SGCD: variants seen among roughly 807,000 people sequenced by gnomAD.
The protein encoded by SGCD is delta-sarcoglycan.
A neutral mutation model predicts 36.6 loss-of-function variants in SGCD; 18 were observed. That is an observed-to-expected ratio of 0.49 (90% CI 0.34 to 0.73). The LOEUF (loss-of-function observed/expected upper bound fraction) is 0.73, where lower values mean the gene tolerates loss of function less well. Among genes scored for constraint, SGCD ranks in the 30% least tolerant of loss-of-function variants. The probability of loss-of-function intolerance (pLI) is 0.01; values close to 1 mark genes in which losing one functional copy is unlikely to be tolerated. For missense variants in SGCD, 387 were observed against 346.7 expected (o/e 1.12, Z -0.92); for synonymous variants, 133 against 130.6 (o/e 1.02, Z -0.12).
chr5:156,257,853 G>A (rs1008366060), intron 3 of SGCD, among the ~76,000 whole-genome samples: 3 of 152,080 alleles, frequency 2.0e-5, no homozygotes, highest in Admixed American at 1.3e-4. Context: ...GACAGAGCGA[G>A]AGTCTGCCTC....
At chr5:155,879,816 G>A (rs1215937764) in intron 1 of SGCD, among the ~76,000 whole-genome samples, 1 of 152,158 alleles carries the variant, frequency 6.6e-6, no homozygotes, top group Non-Finnish European at 1.5e-5. Context: ...CCACTTGATA[G>A]ATGAGAAAAT....
intron 3 of SGCD, among the ~76,000 whole-genome samples, chr5:156,302,274 T>C (rs1767073950): frequency 6.6e-6 from 1 of 152,012 alleles, no homozygotes; most frequent in Non-Finnish European, 1.5e-5. Context: ...TTCTTTCTTC[T>C]GCTTGATCAG....
chr5:156,607,802 A>G (rs959993370), intron 6 of SGCD, among the ~76,000 whole-genome samples: 50 of 152,022 alleles, frequency 3.3e-4, no homozygotes, highest in African/African-American at 8.9e-4. Flanking sequence ...GAATTTATCC[A>G]TTTCTTCTAG....
chr5:155,834,424 T>C, the SGCD span, among the ~76,000 whole-genome samples: 6,719 of 152,262 alleles, frequency 0.044, 324 homozygotes, highest in African/African-American at 0.12. Flanking sequence ...GGATAAAAAG[T>C]AAATGGTAGG....
At chr5:156,265,688 A>G (rs948415324) in intron 3 of SGCD, among the ~76,000 whole-genome samples, 1 of 151,606 alleles carries the variant, frequency 6.6e-6, no homozygotes, top group Non-Finnish European at 1.5e-5. Flanking sequence ...ATAGTGTGTT[A>G]TATATTCTCA....
chr5:156,260,286 G>A (rs140063636), intron 3 of SGCD, among the ~76,000 whole-genome samples: 2 of 152,126 alleles, frequency 1.3e-5, no homozygotes, highest in Non-Finnish European at 2.9e-5. Flanking sequence ...TTCTTAAGTA[G>A]CCTTTAGAAA....
the SGCD span, among the ~76,000 whole-genome samples, chr5:155,763,846 C>T: frequency 2.2e-4 from 32 of 144,274 alleles, no homozygotes; most frequent in African/African-American, 7.5e-4. Context: ...CATTCTTTCC[C>T]CCCTTCAATT....
chr5:155,911,777 C>G (rs1346594397), intron 1 of SGCD, among the ~76,000 whole-genome samples: 1 of 151,990 alleles, frequency 6.6e-6, no homozygotes, highest in Admixed American at 6.6e-5. Context: ...TAGATCTGAG[C>G]CATGTGGCAT....
intron 7 of SGCD, among the ~76,000 whole-genome samples, chr5:156,719,199 A>T (rs1755369188): frequency 6.6e-6 from 1 of 152,128 alleles, no homozygotes; most frequent in Admixed American, 6.5e-5. Flanking sequence ...GAGACCCAAG[A>T]AAAGGTTGCA....
At chr5:156,307,551 T>C (rs1256971018) in intron 3 of SGCD, among the ~76,000 whole-genome samples, 3 of 82,484 alleles carry the variant, frequency 3.6e-5, no homozygotes, top group Non-Finnish European at 6.6e-5. Flanking sequence ...ACATTTTAAC[T>C]GTTGTTTTTT....
At chr5:156,139,950 CA>C (rs1293516571) in intron 3 of SGCD, among the ~76,000 whole-genome samples, 4 of 152,170 alleles carry the variant, frequency 2.6e-5, no homozygotes, top group African/African-American at 9.7e-5. Context: ...TGCTCTCTGT[CA>C]TTTCACTCAT....
At chr5:156,470,734 G>A (rs1362730276) in intron 3 of SGCD, among the ~76,000 whole-genome samples, 1 of 152,108 alleles carries the variant, frequency 6.6e-6, no homozygotes. Context: ...AAATACAGAG[G>A]ATCTCAAAAG....
At chr5:156,299,202 T>C (rs1024120294) in intron 3 of SGCD, among the ~76,000 whole-genome samples, 2 of 152,200 alleles carry the variant, frequency 1.3e-5, no homozygotes, top group African/African-American at 2.4e-5. Flanking sequence ...AGACTGTCCT[T>C]TCCCCAGTGT....
chr5:155,826,554 T>C, the SGCD span, among the ~76,000 whole-genome samples: 2 of 152,348 alleles, frequency 1.3e-5, no homozygotes, highest in South Asian at 2.1e-4. Flanking sequence ...GCTTACATAT[T>C]TGCATTTGGT....
intron 1 of SGCD, among the ~76,000 whole-genome samples, chr5:155,923,192 C>G (rs564014984): frequency 4.5e-4 from 68 of 150,504 alleles, no homozygotes; most frequent in Middle Eastern, 3.4e-3. Flanking sequence ...GAACTTCTAG[C>G]CTTTAACTTT....
In SGCD at chr5:156,193,652, G is replaced by A. The variant is rs546425205; in HGVS notation, c.-44+69633G>A. On this transcript the variant is annotated intron_variant, in intron 3 of 9. Transcript: ENST00000517913. The stretch of plus-strand genomic sequence containing the variant: ...CTTGTTACAGGATTCTCCTTTGACC[G>A]AAAGGCCAATACCAGAATGTCTGCT... Among the ~76,000 whole-genome samples the A allele has an allele frequency of 7.0e-4, 107 of 152,248 alleles. 1 individual carries two copies. The South Asian group carries it at 0.019, about 27-fold the overall frequency.
chr5:156,252,581 G>A (rs1047404672), intron 3 of SGCD, among the ~76,000 whole-genome samples: 2 of 152,110 alleles, frequency 1.3e-5, no homozygotes, highest in Non-Finnish European at 2.9e-5. Flanking sequence ...CTGTTTACTT[G>A]TTACTATAAT....
intron 1 of SGCD, among the ~76,000 whole-genome samples, chr5:156,031,771 G>A (rs974715630): frequency 1.3e-5 from 2 of 152,042 alleles, no homozygotes; most frequent in East Asian, 3.9e-4. Flanking sequence ...TTTATAGTGG[G>A]GGAGAGTTGA....
At chr5:156,410,527 T>C (rs1046615890) in intron 3 of SGCD, among the ~76,000 whole-genome samples, 1 of 152,060 alleles carries the variant, frequency 6.6e-6, no homozygotes, top group Non-Finnish European at 1.5e-5. Flanking sequence ...AAAATGAAAG[T>C]TGGAATTATT....
Sources: gnomAD v4.1 joint callset for allele counts (sites outside exome capture counted in the v4.1 genomes callset) on GRCh38, gnomAD v4.1.1 for gene constraint, MANE v1.5 for transcripts, NCBI Gene and HGNC (gene_info 2026-07-23, HGNC 2026-07-21) for gene names.